Variants in MED13L observed in about 807,000 individuals in gnomAD.
MED13L encodes the protein mediator complex subunit 13L.
In MED13L, 7 loss-of-function variants were observed where a neutral mutation model predicts 220.9. That is an observed-to-expected ratio of 0.03 (90% CI 0.02 to 0.06). The LOEUF (loss-of-function observed/expected upper bound fraction) is 0.06, where lower values mean the gene tolerates loss of function less well. Ranked by LOEUF, MED13L falls within the 10% of genes least tolerant of loss-of-function variation. The pLI is 1.00. For synonymous variants in MED13L, 1,011 were observed against 1,015.2 expected (o/e 1.00, Z 0.08); for missense variants, 1,965 against 2,760.5 (o/e 0.71, Z 6.46).
rs1005101055 is a variant in MED13L, at chr12:116,077,098, T to C, written c.479+19571A>G. Among the ~76,000 whole-genome samples the C allele has an allele frequency of 2.0e-5, 3 of 152,214 alleles. No homozygotes were observed. The South Asian group carries it at 6.2e-4, about 31-fold the overall frequency. On this transcript the variant is annotated intron_variant, in intron 4 of 30. Coordinates refer to ENST00000281928, the MANE Select transcript of MED13L (RefSeq NM_015335.5). ...CCCAAGGCATCCAAACCTTACAGGC[T>C]TGTCAAAGCCCACTTTAACTTCATA... is the stretch of plus-strand genomic sequence containing the variant.
At chr12:116,185,684 TTTTC>T (rs1447303971) in intron 2 of MED13L, among the ~76,000 whole-genome samples, 1 of 94,810 alleles carries the variant, frequency 1.1e-5, no homozygotes, top group Non-Finnish European at 2.3e-5. Flanking sequence ...TTTTCTTTTC[TTTTC>T]TTTTCTTTTC....
intron 1 of MED13L, among the ~76,000 whole-genome samples, chr12:116,247,497 C>G (rs1413067942): frequency 6.6e-6 from 1 of 152,200 alleles, no homozygotes; most frequent in Non-Finnish European, 1.5e-5. Context: ...ATCTTTCTAG[C>G]TGCATGCTCC....
intron 5 of MED13L, among the ~76,000 whole-genome samples, chr12:116,020,455 T>TG (rs1408170761): frequency 6.6e-6 from 1 of 152,198 alleles, no homozygotes; most frequent in Non-Finnish European, 1.5e-5. Context: ...GCCTAAAACT[T>TG]GAACACTCTT....
chr12:115,976,512 G>A (rs1876949448), intron 23 of MED13L, among the ~76,000 whole-genome samples: 1 of 152,180 alleles, frequency 6.6e-6, no homozygotes, highest in Admixed American at 6.5e-5. Flanking sequence ...GGCCACAAGA[G>A]GGGCTCTGGA....
At chr12:116,177,442 G>T (rs550583195) in intron 2 of MED13L, among the ~76,000 whole-genome samples, 1 of 152,234 alleles carries the variant, frequency 6.6e-6, no homozygotes, top group South Asian at 2.1e-4. Flanking sequence ...CATAATTTAT[G>T]TCCATCTTGA....
chr12:116,132,131 A>T (rs901565488), intron 2 of MED13L, among the ~76,000 whole-genome samples: 1 of 152,044 alleles, frequency 6.6e-6, no homozygotes, highest in African/African-American at 2.4e-5. Context: ...TACAAAAAAA[A>T]TTAGCAGGTC....
chr12:116,026,447 A>C (rs1880399004), intron 4 of MED13L, among the ~76,000 whole-genome samples: 1 of 152,216 alleles, frequency 6.6e-6, no homozygotes, highest in Non-Finnish European at 1.5e-5. Flanking sequence ...GCCACCAGTA[A>C]CTATATATTT....
intron 4 of MED13L, among the ~76,000 whole-genome samples, chr12:116,037,545 A>G (rs980081197): frequency 1.3e-5 from 2 of 152,188 alleles, no homozygotes; most frequent in African/African-American, 2.4e-5. Flanking sequence ...CTCAATCTGT[A>G]TAAGAGCAAA....
intron 3 of MED13L, among the ~76,000 whole-genome samples, chr12:116,108,122 A>AT (rs1873750305): frequency 6.6e-6 from 1 of 151,378 alleles, no homozygotes; most frequent in Non-Finnish European, 1.5e-5. Flanking sequence ...AAAAAAAAAA[A>AT]CCCCTCAGTT....
At chr12:116,031,063 G>GA (rs1200271295) in intron 4 of MED13L, among the ~76,000 whole-genome samples, 1 of 151,998 alleles carries the variant, frequency 6.6e-6, no homozygotes, top group Non-Finnish European at 1.5e-5. Flanking sequence ...TTAAATTTCA[G>GA]AAAAAAGTTC....
chr12:116,061,956 C>T (rs566343027), intron 4 of MED13L, among the ~76,000 whole-genome samples: 1 of 146,760 alleles, frequency 6.8e-6, no homozygotes, highest in Non-Finnish European at 1.5e-5. Flanking sequence ...TGCAGTGAGC[C>T]GAGATCACAC....
intron 28 of MED13L, among the ~76,000 whole-genome samples, chr12:115,967,991 A>C (rs1423004990): frequency 6.7e-6 from 1 of 149,516 alleles, no homozygotes; most frequent in Non-Finnish European, 1.5e-5. Flanking sequence ...CTCTGTGACT[A>C]ATCTAAGCTA....
intron 11 of MED13L, among the ~76,000 whole-genome samples, chr12:116,006,624 T>C (rs1398059681): frequency 6.6e-6 from 1 of 152,194 alleles, no homozygotes; most frequent in Non-Finnish European, 1.5e-5. Context: ...CTCAATCCTA[T>C]GGGGTATTCT....
In MED13L at chr12:116,091,120, C is replaced by CAA. The variant is rs5801163; in HGVS notation, c.479+5547_479+5548dup. Among the ~76,000 whole-genome samples the CAA allele has an allele frequency of 8.5e-4, 74 of 87,260 alleles. 1 individual carries two copies. Among genetic ancestry groups the CAA allele is most frequent in the South Asian group, 5.8e-3 (15 of 2,568 alleles). 57.2% of individuals were successfully genotyped at this position (87,260 alleles called of 152,430 possible). A position where few individuals can be genotyped will look rare whatever the true frequency, so the allele number is the denominator to read the frequency against. ...TGGGTGACAGAGCGGAACTCTGTCT[C>CAA]AAAAAAAAAAAAAAAAAAAAAGAAT... On this transcript the variant is annotated intron_variant, in intron 4 of 30. Coordinates refer to ENST00000281928, the MANE Select transcript of MED13L (RefSeq NM_015335.5).
chr12:116,105,315 A>G (rs1269662179), intron 3 of MED13L, among the ~76,000 whole-genome samples: 1 of 152,182 alleles, frequency 6.6e-6, no homozygotes, highest in African/African-American at 2.4e-5. Context: ...TTAGAAAGGG[A>G]GGAAGGATGG....
At chr12:116,131,337 G>A (rs369494701) in intron 2 of MED13L, among the ~76,000 whole-genome samples, 5 of 152,196 alleles carry the variant, frequency 3.3e-5, no homozygotes, top group Admixed American at 1.3e-4. Flanking sequence ...CAGAGGAAAG[G>A]CTGTATCAAG....
chr12:116,095,061 C>G (rs748335587), intron 4 of MED13L, among the ~76,000 whole-genome samples: 1 of 152,068 alleles, frequency 6.6e-6, no homozygotes, highest in Non-Finnish European at 1.5e-5. Context: ...ACTTGGGAGG[C>G]TGAAGTGGGA....
chr12:115,986,873 T>C (rs1249224025), intron 18 of MED13L, among the ~76,000 whole-genome samples: 1 of 152,114 alleles, frequency 6.6e-6, no homozygotes, highest in Non-Finnish European at 1.5e-5. Context: ...GAGGAGAATC[T>C]AAAAAATGCA....
chr12:116,069,085 T>C (rs1363009216), intron 4 of MED13L, among the ~76,000 whole-genome samples: 1 of 152,076 alleles, frequency 6.6e-6, no homozygotes, highest in African/African-American at 2.4e-5. Context: ...GTGGACATCT[T>C]CTCCCCCACA....
Sources: allele counts gnomAD v4.1 joint callset (sites outside exome capture counted in the v4.1 genomes callset), GRCh38; gene constraint gnomAD v4.1.1; transcripts MANE v1.5; gene names NCBI Gene and HGNC (gene_info 2026-07-23, HGNC 2026-07-21).